The following CEP72 variants were observed in gnomAD, a reference collection of about 807,000 sequenced individuals.
CEP72 encodes centrosomal protein of 72 kDa.
CEP72 carries 78 observed loss-of-function variants against 65.7 expected under a neutral mutation model. That is an observed-to-expected ratio of 1.19 (90% CI 0.99 to 1.43). The LOEUF is 1.43. Among genes scored for constraint, CEP72 ranks in the 40% most tolerant of loss-of-function variants. CEP72 has a pLI of 0.00. For missense variants in CEP72, 914 were observed against 832.9 expected (o/e 1.10, Z -1.20); for synonymous variants, 358 against 351.7 (o/e 1.02, Z -0.20).
chr5:651,873 T>TCC (rs997388500), intron 11 of CEP72, among the ~76,000 whole-genome samples: 6 of 81,682 alleles, frequency 7.3e-5, no homozygotes. Flanking sequence ...TCCCGCTCCC[T>TCC]CCCCCACTCC....
At chr5:644,761 G>C (rs567219749) in intron 10 of CEP72, among the ~76,000 whole-genome samples, 72 of 152,286 alleles carry the variant, frequency 4.7e-4, no homozygotes, top group African/African-American at 1.5e-3. Context: ...CCTGTCTGGC[G>C]TCCTCCCATG....
chr5:637,423 C>T, intron 6 of CEP72, 94 bp from the exon 7 acceptor site: 2 of 1,094,532 alleles, frequency 1.8e-6, no homozygotes, highest in South Asian at 2.9e-5. Context: ...TGTGTATATA[C>T]ATGGGCACAC....
At chr5:649,470 T>A in intron 11 of CEP72, among the ~76,000 whole-genome samples, 1 of 39,642 alleles carries the variant, frequency 2.5e-5, no homozygotes. Context: ...GGTGTGACTG[T>A]GAGGTGTGAC....
At chr5:673,014 AGACTTTTTCTCCACAAGTCCTGT>A in the CEP72 span, among the ~76,000 whole-genome samples, 1 of 152,230 alleles carries the variant, frequency 6.6e-6, no homozygotes, top group Non-Finnish European at 1.5e-5. Context: ...AGAAATCGGT[AGACTTTTTCTCCACAAGTCCTGT>A]CAGAGTCAGC....
downstream of CEP72, among the ~76,000 whole-genome samples, chr5:658,363 C>T (rs1159302709): frequency 2.0e-5 from 3 of 152,228 alleles, no homozygotes; most frequent in Non-Finnish European, 4.4e-5. Context: ...CCCCTTGCTG[C>T]TGTTCAGGGG....
At chr5:614,847 AGT>A (rs1034006884) in intron 1 of CEP72, among the ~76,000 whole-genome samples, 3 of 151,994 alleles carry the variant, frequency 2.0e-5, no homozygotes, top group Non-Finnish European at 4.4e-5. Flanking sequence ...GGTGCACTTG[AGT>A]GTGTGTGTAT....
At chr5:672,099 G>T (rs1740242994), downstream of CEP72, among the ~76,000 whole-genome samples, 2 of 152,228 alleles carry the variant, frequency 1.3e-5, no homozygotes, top group South Asian at 4.1e-4. Context: ...TCCTGCTCCT[G>T]GGAGGTGGTT....
intron 9 of CEP72, chr5:642,733 A>C: frequency 1.0e-6 from 1 of 985,442 alleles, no homozygotes; most frequent in Non-Finnish European, 1.2e-6. Context: ...TGGCAGCCCG[A>C]GCCCCGCGGG....
intron 1 of CEP72, among the ~76,000 whole-genome samples, chr5:615,235 A>T (rs1006991328): frequency 8.1e-5 from 12 of 148,376 alleles, no homozygotes; most frequent in African/African-American, 3.0e-4. Context: ...TCCCGGGTTC[A>T]CATGATTCCT....
At chr5:674,910 CAG>C in the CEP72 span, among the ~76,000 whole-genome samples, 1 of 150,322 alleles carries the variant, frequency 6.7e-6, no homozygotes. Context: ...GCCTGTACTG[CAG>C]AGTCAGGCGC....
chr5:672,093 G>A (rs1211570131), downstream of CEP72, among the ~76,000 whole-genome samples: 2 of 152,254 alleles, frequency 1.3e-5, no homozygotes, highest in Non-Finnish European at 2.9e-5. Flanking sequence ...CCTGGGTCCT[G>A]CTCCTGGGAG....
At chr5:668,728 G>A (rs1383824156), downstream of CEP72, among the ~76,000 whole-genome samples, 1 of 152,220 alleles carries the variant, frequency 6.6e-6, no homozygotes, top group African/African-American at 2.4e-5. Flanking sequence ...ACACATAAAC[G>A]CAAATGTTTA....
chr5:647,950 G>C, intron 11 of CEP72, 34 bp downstream of exon 11: 2 of 1,496,536 alleles, frequency 1.3e-6, no homozygotes, highest in South Asian at 2.3e-5. Flanking sequence ...GGGCCCCCGA[G>C]GGGAGGAGGC....
At chr5:640,990 C>T (rs1737976673) in intron 9 of CEP72, 2 of 985,356 alleles carry the variant, frequency 2.0e-6, no homozygotes, top group South Asian at 9.4e-5. Flanking sequence ...CGGCCAGTGT[C>T]CCATGGTGAG....
In CEP72 at chr5:624,419, C is replaced by G. The variant is rs371478617; in HGVS notation, c.404-52C>G. 1 of 1,377,638 alleles carries G rather than the reference C, an allele frequency of 7.3e-7. No individual in the cohort carries two copies. Among genetic ancestry groups the G allele is most frequent in the Non-Finnish European group, 1.0e-6 (1 of 967,902 alleles). 85.3% of individuals were successfully genotyped at this position (1,377,638 alleles called of 1,614,324 possible). On this transcript the variant is annotated intron_variant, in intron 3 of 11. Coordinates refer to ENST00000264935, the MANE Select transcript of CEP72 (RefSeq NM_018140.4). This position sits in a 1 kb window ranked among gnomAD's most constrained non-coding sequence, Gnocchi z 4.7. Reference sequence around the variant, plus strand: ...CCGTGTAGATGCCCCAGGGTGGATGCAGCCGCCCGCCGCTTGCCACCTGCA... The same window carrying G: ...CCGTGTAGATGCCCCAGGGTGGATGGAGCCGCCCGCCGCTTGCCACCTGCA...
At chr5:643,536 C>T (rs939808634) in intron 9 of CEP72, 13 of 985,250 alleles carry the variant, frequency 1.3e-5, no homozygotes, top group East Asian at 1.1e-4. Context: ...AAGGATGAAG[C>T]GGCGATACCC....
At chr5:614,620 C>G (rs966343574) in intron 1 of CEP72, among the ~76,000 whole-genome samples, 6 of 152,070 alleles carry the variant, frequency 3.9e-5, no homozygotes, top group South Asian at 2.1e-4. Context: ...CTCGGCCTCC[C>G]AAAGTGCTGG....
chr5:674,736 G>A, the CEP72 span, among the ~76,000 whole-genome samples: 1 of 151,926 alleles, frequency 6.6e-6, no homozygotes, highest in Non-Finnish European at 1.5e-5. Flanking sequence ...TTCCAGCAGG[G>A]GATGGCAGGC....
intron 11 of CEP72, among the ~76,000 whole-genome samples, chr5:651,670 G>A (rs560218590): frequency 6.6e-6 from 1 of 152,040 alleles, no homozygotes; most frequent in African/African-American, 2.4e-5. Flanking sequence ...GCCGGGACGT[G>A]GTTGGAGGCT....
Sources: gnomAD v4.1 joint callset for allele counts (sites outside exome capture counted in the v4.1 genomes callset) on GRCh38, gnomAD v4.1.1 for gene constraint, Gnocchi (gnomAD v3.1) non-coding constraint, MANE v1.5 for transcripts, NCBI Gene and HGNC (gene_info 2026-07-23, HGNC 2026-07-21) for gene names.